Variants in ZNF804B observed in about 807,000 individuals in gnomAD.
ZNF804B encodes the protein zinc finger 804B.
A neutral mutation model predicts 101.4 loss-of-function variants in ZNF804B; 80 were observed. The ratio of observed to expected loss-of-function variants is 0.79; its 90% confidence interval spans 0.66 to 0.95. The LOEUF is 0.95. ZNF804B is among the 40% of genes least tolerant of loss of function. The pLI is 0.00. For synonymous variants in ZNF804B, 622 were observed against 558.8 expected, an observed-to-expected ratio of 1.11 and a Z score of -1.59; for missense variants, 1,673 against 1,561.9, an observed-to-expected ratio of 1.07 and a Z score of -1.20.
chr7:88,812,882 T>C (rs2115738490), intron 1 of ZNF804B, among the ~76,000 whole-genome samples: 1 of 151,850 alleles, frequency 6.6e-6, no homozygotes, highest in Admixed American at 6.6e-5. Flanking sequence ...AGTAGAATGG[T>C]GGTTACTAGG....
chr7:89,271,553 G>A (rs1408530718), intron 2 of ZNF804B, among the ~76,000 whole-genome samples: 2 of 152,050 alleles, frequency 1.3e-5, no homozygotes, highest in Non-Finnish European at 2.9e-5. Context: ...GTCTCTGCCA[G>A]GCTTTGGTAT....
chr7:89,134,197 T>C (rs1225410731), intron 1 of ZNF804B, among the ~76,000 whole-genome samples: 5 of 152,124 alleles, frequency 3.3e-5, no homozygotes, highest in East Asian at 1.9e-4. Flanking sequence ...TTGAACGTCA[T>C]AAATACAGCC....
intron 2 of ZNF804B, among the ~76,000 whole-genome samples, chr7:89,292,412 A>T (rs184285206): frequency 1.4e-4 from 22 of 152,254 alleles, no homozygotes; most frequent in Non-Finnish European, 8.8e-5. Flanking sequence ...AGACAAAGTT[A>T]AGGTGTAGAA....
chr7:89,280,710 A>C (rs1177719346), intron 2 of ZNF804B, among the ~76,000 whole-genome samples: 2 of 152,366 alleles, frequency 1.3e-5, no homozygotes, highest in East Asian at 3.9e-4. Flanking sequence ...ACCAGGAAGA[A>C]GTTGAATCTC....
intron 1 of ZNF804B, among the ~76,000 whole-genome samples, chr7:89,082,743 T>C (rs1020870333): frequency 5.9e-5 from 9 of 151,922 alleles, no homozygotes; most frequent in South Asian, 2.1e-4. Context: ...ACCAGCTCAT[T>C]TGTAGCTATC....
At chr7:89,171,287 TG>T (rs754244578) in intron 1 of ZNF804B, among the ~76,000 whole-genome samples, 1,613 of 56,682 alleles carry the variant, frequency 0.028, 20 homozygotes, top group African/African-American at 0.04. Flanking sequence ...ATGCTGCTGC[TG>T]CTTCTTCTTC....
At chr7:89,316,381 T>C (rs1790725909) in intron 2 of ZNF804B, among the ~76,000 whole-genome samples, 1 of 152,126 alleles carries the variant, frequency 6.6e-6, no homozygotes, top group Non-Finnish European at 1.5e-5. Context: ...AACCTATAAA[T>C]TTTGTGGACC....
intron 1 of ZNF804B, among the ~76,000 whole-genome samples, chr7:88,933,372 C>A (rs1240770736): frequency 6.6e-6 from 1 of 151,858 alleles, no homozygotes; most frequent in Non-Finnish European, 1.5e-5. Context: ...CCCCTGAGAA[C>A]TGGAACAAGA....
At chr7:88,955,769 G>C (rs1793296542) in intron 1 of ZNF804B, among the ~76,000 whole-genome samples, 1 of 151,320 alleles carries the variant, frequency 6.6e-6, no homozygotes, top group South Asian at 2.1e-4. Flanking sequence ...TAAACTAAAA[G>C]GCCTTCTGCA....
intron 1 of ZNF804B, among the ~76,000 whole-genome samples, chr7:88,814,102 ATATT>A (rs1790836681): frequency 6.6e-6 from 1 of 152,162 alleles, no homozygotes; most frequent in South Asian, 2.1e-4. Flanking sequence ...AATATGTTAT[ATATT>A]CTGCTCTTGG....
intron 1 of ZNF804B, among the ~76,000 whole-genome samples, chr7:89,016,879 C>A (rs549028471): frequency 6.6e-6 from 1 of 152,294 alleles, no homozygotes; most frequent in South Asian, 2.1e-4. Context: ...TGAAGAAAGT[C>A]ATTGGTAGCT....
intron 1 of ZNF804B, among the ~76,000 whole-genome samples, chr7:88,924,706 T>G (rs554036555): frequency 6.6e-6 from 1 of 152,268 alleles, no homozygotes; most frequent in East Asian, 1.9e-4. Flanking sequence ...TAACTCTCTC[T>G]CCTCATTTGG....
At chr7:89,090,449 A>G (rs1043338342) in intron 1 of ZNF804B, among the ~76,000 whole-genome samples, 3 of 152,098 alleles carry the variant, frequency 2.0e-5, no homozygotes, top group African/African-American at 7.2e-5. Context: ...CTAAATAAAT[A>G]GTACAATGTT....
Position 89,336,373 on chromosome 7 carries a change from G to A in ZNF804B, c.3391G>A (p.Gly1131Arg), listed in dbSNP as rs762624250. Residue 1131 changes from glycine (G) to arginine (R), a missense_variant, in exon 4 of 4, where the codon GGA (glycine) becomes AGA (arginine). Gly to Arg is a moderately radical substitution (Grantham distance 125). Coordinates refer to ENST00000333190, the MANE Select transcript of ZNF804B (RefSeq NM_181646.5). ...GCAGAAACCTGACAAAGTCGAAGACGGATTAGAAATGTGTCATAAATCTAT... is the reference window on the plus strand; with the variant it reads ...GCAGAAACCTGACAAAGTCGAAGACAGATTAGAAATGTGTCATAAATCTAT... ...TMQKPDKVED[G>R]LEMCHKSISP... 41 of 1,613,940 alleles carry A rather than the reference G, an allele frequency of 2.5e-5. No homozygotes were observed. Among genetic ancestry groups the A allele is most frequent in the African/African-American group, 9.3e-5 (7 of 74,998 alleles).
chr7:89,277,333 T>G (rs1296076337), intron 2 of ZNF804B, among the ~76,000 whole-genome samples: 4 of 150,190 alleles, frequency 2.7e-5, no homozygotes. Flanking sequence ...TTTTTTCTTT[T>G]TTTTATTATT....
rs1554342844 is a variant in ZNF804B at position 88,877,007 on chromosome 7, A to AT, written c.108+116923_108+116924insT. Among the ~76,000 whole-genome samples the AT allele has an allele frequency of 1.7e-3, 129 of 75,154 alleles. 3 individuals carry two copies. Among genetic ancestry groups the AT allele is most frequent in the African/African-American group, 9.6e-3 (102 of 10,650 alleles). The allele number at this position is 75,154 out of a possible 152,430, so 49.3% of individuals were successfully genotyped here. On this transcript the variant is annotated intron_variant, in intron 1 of 3. Transcript: ENST00000333190. ...TATACAGAGAATATTTGAAAAAAAA[A>AT]ATATATATATATATATATAATATAT...
intron 2 of ZNF804B, among the ~76,000 whole-genome samples, chr7:89,309,750 A>C (rs1790620197): frequency 7.9e-6 from 1 of 126,228 alleles, no homozygotes; most frequent in African/African-American, 3.0e-5. Flanking sequence ...ACAGAGTGAG[A>C]CCCTGTCTCA....
intron 1 of ZNF804B, among the ~76,000 whole-genome samples, chr7:88,762,431 G>A (rs10254195): frequency 0.023 from 3,436 of 152,144 alleles, 121 homozygotes; most frequent in African/African-American, 0.079. Flanking sequence ...AGGTGAAGTG[G>A]ATCACTACCT....
intron 1 of ZNF804B, among the ~76,000 whole-genome samples, chr7:89,075,680 A>T (rs1382249330): frequency 6.6e-6 from 1 of 152,174 alleles, no homozygotes; most frequent in Non-Finnish European, 1.5e-5. Flanking sequence ...CTAGTAGAGT[A>T]TGAGAAGAAG....
Sources: gnomAD v4.1 joint callset for allele counts (sites outside exome capture counted in the v4.1 genomes callset) on GRCh38, gnomAD v4.1.1 for gene constraint, MANE v1.5 for transcripts, NCBI Gene and HGNC (gene_info 2026-07-23, HGNC 2026-07-21) for gene names.